VRK2: variants seen among roughly 807,000 people sequenced by gnomAD.
The protein encoded by VRK2 is VRK serine/threonine kinase 2.
A neutral mutation model predicts 57.6 loss-of-function variants in VRK2; 60 were observed. The ratio of observed to expected loss-of-function variants is 1.04; its 90% CI spans 0.85 to 1.29. The LOEUF is 1.29. Ranked by LOEUF, VRK2 falls within the 50% of genes most tolerant of loss-of-function variation. The probability of loss-of-function intolerance (pLI) is 0.00; values close to 1 mark genes in which losing one functional copy is unlikely to be tolerated. For synonymous variants in VRK2, 231 were observed against 199.2 expected (o/e 1.16, Z -1.35); for missense variants, 705 against 588.1 (o/e 1.20, Z -2.06).
intron 7 of VRK2, among the ~76,000 whole-genome samples, chr2:58,106,967 CAAA>C (rs1279462268): frequency 1.3e-5 from 2 of 151,774 alleles, no homozygotes; most frequent in Non-Finnish European, 2.9e-5. Context: ...TGAGGAGAAA[CAAA>C]AAAGTACTGT....
intron 2 of VRK2, among the ~76,000 whole-genome samples, chr2:58,065,728 A>T (rs75580538): frequency 0.01 from 1,555 of 152,236 alleles, 22 homozygotes; most frequent in African/African-American, 0.034. Flanking sequence ...AAGTCATCCA[A>T]ACCATAAGTA....
At chr2:58,015,679 T>G (rs960781601) in intron 1 of VRK2, among the ~76,000 whole-genome samples, 1 of 152,220 alleles carries the variant, frequency 6.6e-6, no homozygotes, top group Non-Finnish European at 1.5e-5. Context: ...CACTTCAATG[T>G]TTCAGTTATT....
intron 1 of VRK2, among the ~76,000 whole-genome samples, chr2:57,981,448 T>C (rs1369284122): frequency 6.6e-6 from 1 of 152,178 alleles, no homozygotes; most frequent in Non-Finnish European, 1.5e-5. Context: ...CTACCCCTTC[T>C]CTTTAGCTGC....
chr2:57,939,373 C>T (rs892391088), intron 1 of VRK2, among the ~76,000 whole-genome samples: 6 of 152,140 alleles, frequency 3.9e-5, no homozygotes, highest in African/African-American at 1.4e-4. Flanking sequence ...GCTTCACTTT[C>T]ATTTTTTTCT....
chr2:58,094,642 C>T (rs1292923970), intron 7 of VRK2, among the ~76,000 whole-genome samples: 4 of 151,984 alleles, frequency 2.6e-5, no homozygotes. Flanking sequence ...AATTGAGTAC[C>T]CTTTATTTTT....
At chr2:57,975,590 G>A (rs771768963) in intron 1 of VRK2, among the ~76,000 whole-genome samples, 2 of 151,742 alleles carry the variant, frequency 1.3e-5, no homozygotes, top group Admixed American at 6.6e-5. Flanking sequence ...TACTGATCCC[G>A]TCACCCAGAC....
intron 7 of VRK2, among the ~76,000 whole-genome samples, chr2:58,118,889 A>G (rs1384764975): frequency 6.6e-6 from 1 of 152,150 alleles, no homozygotes; most frequent in African/African-American, 2.4e-5. Flanking sequence ...TCTGGTGGGC[A>G]GGGGCGGGGG....
chr2:58,132,444 A>C (rs920826517), intron 9 of VRK2, among the ~76,000 whole-genome samples: 2 of 152,224 alleles, frequency 1.3e-5, no homozygotes, highest in Non-Finnish European at 2.9e-5. Context: ...TCTTGTAGCC[A>C]CATAAACATT....
chr2:58,016,733 GACA>G (rs1314855222), intron 1 of VRK2, among the ~76,000 whole-genome samples: 1 of 152,158 alleles, frequency 6.6e-6, no homozygotes, highest in Non-Finnish European at 1.5e-5. Context: ...CATTTTTATA[GACA>G]ACGTGTTTTC....
intron 1 of VRK2, among the ~76,000 whole-genome samples, chr2:57,950,766 G>T (rs962028075): frequency 6.6e-6 from 1 of 152,120 alleles, no homozygotes; most frequent in Non-Finnish European, 1.5e-5. Flanking sequence ...TAAAATCTCC[G>T]TAAAGGATCA....
chr2:57,945,477 C>A (rs1671234387), intron 1 of VRK2, among the ~76,000 whole-genome samples: 1 of 152,094 alleles, frequency 6.6e-6, no homozygotes, highest in Non-Finnish European at 1.5e-5. Context: ...TTGTTTCCTG[C>A]CAATCAGTTC....
intron 1 of VRK2, among the ~76,000 whole-genome samples, chr2:57,975,215 A>G (rs1672212301): frequency 6.6e-6 from 1 of 152,074 alleles, no homozygotes; most frequent in Admixed American, 6.6e-5. Context: ...ACAAAGATAC[A>G]TTTAATACCA....
intron 2 of VRK2, among the ~76,000 whole-genome samples, chr2:58,073,656 ATATT>A (rs1199113883): frequency 2.1e-5 from 3 of 143,406 alleles, no homozygotes; most frequent in African/African-American, 7.6e-5. Flanking sequence ...ATATATATTT[ATATT>A]TATATTTATA....
At chr2:57,931,666 A>T (rs1011840802) in intron 1 of VRK2, among the ~76,000 whole-genome samples, 2 of 152,086 alleles carry the variant, frequency 1.3e-5, no homozygotes, top group Non-Finnish European at 2.9e-5. Flanking sequence ...TGGTTTTGGT[A>T]TCATATCCAA....
rs182698912 is a variant in VRK2 at position 58,154,460 on chromosome 2, G to C, written c.1183-4889G>C. ...AACAAATCCATCATGTCACATACTT[G>C]TCATTTCTTTTTATAATTTCTTGGG... On this transcript the variant is annotated intron_variant, in intron 12 of 12. Coordinates refer to ENST00000340157, the MANE Select transcript of VRK2 (RefSeq NM_006296.7). Among the ~76,000 whole-genome samples the C allele has an allele frequency of 1.3e-3, 196 of 151,616 alleles. 1 individual carries two copies. The highest frequency in any genetic ancestry group is 4.3e-3 in the African/African-American group (179 of 41,320).
chr2:57,919,829 T>A (rs936380892), intron 1 of VRK2, among the ~76,000 whole-genome samples: 25 of 152,158 alleles, frequency 1.6e-4, no homozygotes, highest in Middle Eastern at 3.4e-3. Context: ...AATTTTTTTT[T>A]AAAAAGTATC....
At chr2:58,110,610 T>C (rs1483177909) in intron 7 of VRK2, among the ~76,000 whole-genome samples, 1 of 152,146 alleles carries the variant, frequency 6.6e-6, no homozygotes, top group Non-Finnish European at 1.5e-5. Flanking sequence ...ATGGGGTTCT[T>C]GGGGAGGCTA....
At chr2:58,067,281 C>T (rs926183308) in intron 2 of VRK2, among the ~76,000 whole-genome samples, 4 of 152,118 alleles carry the variant, frequency 2.6e-5, no homozygotes, top group African/African-American at 7.2e-5. Context: ...AGCTTGCAGA[C>T]GGCCTGTTGT....
intron 3 of VRK2, among the ~76,000 whole-genome samples, chr2:58,084,539 G>A (rs1472678815): frequency 6.6e-6 from 1 of 151,852 alleles, no homozygotes; most frequent in African/African-American, 2.4e-5. Context: ...AGAGTTTGCT[G>A]TGTATCACCT....
Sources: allele counts gnomAD v4.1 joint callset (sites outside exome capture counted in the v4.1 genomes callset), GRCh38; gene constraint gnomAD v4.1.1; transcripts MANE v1.5; gene names NCBI Gene and HGNC (gene_info 2026-07-23, HGNC 2026-07-21).